The following UVRAG variants were observed in gnomAD, a reference collection of about 807,000 sequenced individuals.
UVRAG encodes UV radiation resistance associated.
In UVRAG, 19 loss-of-function variants were observed where a neutral mutation model predicts 78.0. The ratio of observed to expected loss-of-function variants is 0.24; its 90% confidence interval spans 0.17 to 0.36. The LOEUF is 0.36. Among genes scored for constraint, UVRAG ranks in the 10% least tolerant of loss-of-function variants. The probability of loss-of-function intolerance (pLI) is 1.00; values close to 1 mark genes in which losing one functional copy is unlikely to be tolerated. For missense variants in UVRAG, 740 were observed against 853.8 expected (o/e 0.87, Z 1.66); for synonymous variants, 323 against 324.6 (o/e 1.00, Z 0.05).
At chr11:75,920,028 TTTTTTTTTTTTTTTTG>T (rs1256201017) in intron 6 of UVRAG, among the ~76,000 whole-genome samples, 5 of 109,552 alleles carry the variant, frequency 4.6e-5, no homozygotes, top group Admixed American at 3.5e-4. Flanking sequence ...TTTTTTTTTT[TTTTTTTTTTTTTTTTG>T]GGACGAAGTC....
In UVRAG at chr11:76,075,789, C is replaced by T. The variant is rs555134419; in HGVS notation, c.1305+10001C>T. ...CCCTGGGCAGCTACCAGCCTACTTT[C>T]TGTTTCTATAGATTTGCTGTTCTGG... is the stretch of plus-strand genomic sequence containing the variant. On this transcript the variant is annotated intron_variant, in intron 13 of 14. Coordinates refer to ENST00000356136, the MANE Select transcript of UVRAG (RefSeq NM_003369.4). 4.6e-5 allele frequency among the ~76,000 whole-genome samples: 7 copies of T among 152,268 alleles called. No homozygotes were observed. The South Asian group carries it at 1.4e-3, about 32-fold the overall frequency.
chr11:76,048,109 G>A (rs1950797632), intron 12 of UVRAG, among the ~76,000 whole-genome samples: 1 of 152,182 alleles, frequency 6.6e-6, no homozygotes, highest in Admixed American at 6.5e-5. Context: ...TGATACATAT[G>A]TGATTGATCT....
At chr11:75,836,888 C>G (rs1159373045) in intron 1 of UVRAG, among the ~76,000 whole-genome samples, 1 of 152,120 alleles carries the variant, frequency 6.6e-6, no homozygotes, top group African/African-American at 2.4e-5. Context: ...CTATTACCTC[C>G]TTTTCTTTGC....
chr11:76,019,405 T>G (rs2135375497), intron 12 of UVRAG, among the ~76,000 whole-genome samples: 1 of 152,358 alleles, frequency 6.6e-6, no homozygotes, highest in South Asian at 2.1e-4. Context: ...CTTGTGGATG[T>G]TTGCCAGTGT....
chr11:76,075,300 C>G (rs1951383841), intron 13 of UVRAG, among the ~76,000 whole-genome samples: 1 of 151,984 alleles, frequency 6.6e-6, no homozygotes, highest in Non-Finnish European at 1.5e-5. Flanking sequence ...ACATAACATA[C>G]AATTAACCCA....
intron 5 of UVRAG, among the ~76,000 whole-genome samples, chr11:75,901,640 A>G (rs1947502411): frequency 6.6e-6 from 1 of 152,310 alleles, no homozygotes; most frequent in South Asian, 2.1e-4. Flanking sequence ...TTCCATCACT[A>G]CTGATGGTGG....
At chr11:76,026,712 G>A (rs920645835) in intron 12 of UVRAG, among the ~76,000 whole-genome samples, 4 of 152,124 alleles carry the variant, frequency 2.6e-5, no homozygotes, top group Non-Finnish European at 4.4e-5. Flanking sequence ...ACTTGAGGCA[G>A]TGGAAAAGAG....
chr11:75,855,315 G>T (rs1398190273), intron 2 of UVRAG, among the ~76,000 whole-genome samples: 1 of 152,200 alleles, frequency 6.6e-6, no homozygotes, highest in Non-Finnish European at 1.5e-5. Flanking sequence ...GAAGTCCGGG[G>T]TCTGGTGTTG....
intron 1 of UVRAG, among the ~76,000 whole-genome samples, chr11:75,821,549 G>T (rs192562244): frequency 1.8e-4 from 27 of 152,222 alleles, no homozygotes; most frequent in African/African-American, 6.5e-4. Flanking sequence ...TCTCACTCTG[G>T]TCTCAAACTC....
intron 5 of UVRAG, among the ~76,000 whole-genome samples, chr11:75,900,413 T>C (rs1390196983): frequency 1.1e-4 from 17 of 152,220 alleles, no homozygotes. Context: ...CTAGTTAACA[T>C]GCTGTCACTG....
In UVRAG at chr11:75,815,231, CCAGCGGCGGCAACGGCGGCAGCGGCGG is replaced by C. The variant is rs1335444601; in HGVS notation, c.-166_-140del. ...CTGCGGTAATATGGCTCTTCCTTAG[CCAGCGGCGGCAACGGCGGCAGCGGCGG>C]CAGCGGCGGCGGCTACTGTCTGGGC... On this transcript the variant is annotated 5_prime_UTR_variant, in exon 1 of 15. Transcript: ENST00000356136. 2.2e-5 allele frequency: 10 copies of C among 445,286 alleles called. No homozygotes were observed. Among genetic ancestry groups the C allele is most frequent in the South Asian group, 4.8e-5 (1 of 20,842 alleles). The allele number at this position is 445,286 out of a possible 1,614,324, so 27.6% of individuals were successfully genotyped here. A position where few individuals can be genotyped will look rare whatever the true frequency, so the allele number is the denominator to read the frequency against.
intron 6 of UVRAG, among the ~76,000 whole-genome samples, chr11:75,930,447 C>T (rs930583438): frequency 3.3e-5 from 5 of 152,022 alleles, no homozygotes; most frequent in African/African-American, 4.8e-5. Context: ...TTAAATATTG[C>T]GTTTTCAAGG....
At chr11:76,111,442 G>A (rs1031408672) in intron 13 of UVRAG, among the ~76,000 whole-genome samples, 38 of 152,224 alleles carry the variant, frequency 2.5e-4, no homozygotes, top group Middle Eastern at 3.4e-3. Flanking sequence ...CAATAACTAC[G>A]TTCCCACATG....
At chr11:75,886,011 A>G (rs1947069677) in intron 4 of UVRAG, among the ~76,000 whole-genome samples, 1 of 152,182 alleles carries the variant, frequency 6.6e-6, no homozygotes, top group Non-Finnish European at 1.5e-5. Context: ...AAGGAATTAA[A>G]GTATATACCA....
intron 8 of UVRAG, among the ~76,000 whole-genome samples, chr11:75,984,563 C>T (rs1949457490): frequency 6.6e-6 from 1 of 152,154 alleles, no homozygotes; most frequent in African/African-American, 2.4e-5. Context: ...GTTGTGTCCA[C>T]AGAGCTTGAA....
intron 6 of UVRAG, among the ~76,000 whole-genome samples, chr11:75,942,930 G>A (rs1948514384): frequency 6.6e-6 from 1 of 152,080 alleles, no homozygotes. Flanking sequence ...ACACAGTGGT[G>A]TGCACCTATA....
In UVRAG at chr11:76,142,250, TGGTCA is replaced by T. The variant is rs1952736916; in HGVS notation, c.*840_*844del. ...AAAGTTTTTATGTGGGCAGATGCTG[TGGTCA>T]GGAACTAGGCATGCTTTCTGGCAAT... On this transcript the variant is annotated 3_prime_UTR_variant, in exon 15 of 15. Transcript: ENST00000356136. 2 of 152,226 alleles carry T rather than the reference TGGTCA, an allele frequency of 1.3e-5. No individual in the cohort carries two copies. Among genetic ancestry groups the T allele is most frequent in the Admixed American group, 1.3e-4 (2 of 15,284 alleles). 9.4% of individuals were successfully genotyped at this position (152,226 alleles called of 1,614,324 possible). A position where few individuals can be genotyped will look rare whatever the true frequency, so the allele number is the denominator to read the frequency against.
Position 76,140,873 on chromosome 11 carries a change from T to C in UVRAG, c.1560T>C (p.Pro520=). Reference sequence around the variant, plus strand: ...AGAGACTTCAGTACAAAACCCCTCCTCCCAGTTACAACTCAGCATTAGCCC... The same window carrying C: ...AGAGACTTCAGTACAAAACCCCTCCCCCCAGTTACAACTCAGCATTAGCCC... ...ENERLQYKTP[P]PSYNSALAQP... The change falls in exon 15 of 15, where the codon CCT becomes CCC. Residue 520 remains proline, a synonymous_variant. Transcript: ENST00000356136. 6.2e-7 allele frequency: 1 copy of C among 1,614,044 alleles called. No individual in the cohort carries two copies. Among genetic ancestry groups the C allele is most frequent in the Non-Finnish European group, 8.5e-7 (1 of 1,180,008 alleles).
chr11:76,039,189 T>C (rs974108157), intron 12 of UVRAG, among the ~76,000 whole-genome samples: 49 of 152,218 alleles, frequency 3.2e-4, no homozygotes, highest in African/African-American at 1.1e-3. Context: ...ACCCACTTCA[T>C]AGGGTATCTA....
Sources: allele counts gnomAD v4.1 joint callset (sites outside exome capture counted in the v4.1 genomes callset), GRCh38; gene constraint gnomAD v4.1.1; transcripts MANE v1.5; gene names NCBI Gene and HGNC (gene_info 2026-07-23, HGNC 2026-07-21).